Variants in MACROD2 observed in about 807,000 individuals in gnomAD.
The protein encoded by MACROD2 is ADP-ribose glycohydrolase MACROD2.
In MACROD2, 36 loss-of-function variants were observed where a neutral mutation model predicts 70.4. The observed-to-expected ratio is 0.51, with a 90% confidence interval of 0.39 to 0.68. The LOEUF (loss-of-function observed/expected upper bound fraction) is 0.68, where lower values mean the gene tolerates loss of function less well. Among genes scored for constraint, MACROD2 ranks in the 30% least tolerant of loss-of-function variants. The pLI is 0.00. For missense variants in MACROD2, 496 were observed against 538.4 expected (o/e 0.92, Z 0.78); for synonymous variants, 172 against 178.8 (o/e 0.96, Z 0.30).
At chr20:15,326,382 C>T (rs1366115494) in intron 6 of MACROD2, among the ~76,000 whole-genome samples, 1 of 151,998 alleles carries the variant, frequency 6.6e-6, no homozygotes, top group Admixed American at 6.6e-5. Flanking sequence ...TAAAGCATTA[C>T]ATTTTTTTAC....
chr20:14,096,974 A>T (rs529774909), intron 3 of MACROD2, among the ~76,000 whole-genome samples: 1 of 152,206 alleles, frequency 6.6e-6, no homozygotes, highest in South Asian at 2.1e-4. Context: ...GTTCTAGTAA[A>T]TTTCCGATGG....
At chr20:14,032,758 T>G (rs1452660629) in intron 2 of MACROD2, among the ~76,000 whole-genome samples, 1 of 152,194 alleles carries the variant, frequency 6.6e-6, no homozygotes, top group African/African-American at 2.4e-5. Context: ...ATTCTAGCTC[T>G]GCCACTTCTT....
chr20:15,786,057 C>T (rs749400742), intron 8 of MACROD2, among the ~76,000 whole-genome samples: 6 of 150,842 alleles, frequency 4.0e-5, no homozygotes, highest in Non-Finnish European at 7.4e-5. Context: ...AATGGCATAA[C>T]ATAAAAGCGT....
intron 5 of MACROD2, among the ~76,000 whole-genome samples, chr20:14,710,935 A>T (rs1373039341): frequency 1.3e-5 from 2 of 152,138 alleles, no homozygotes; most frequent in African/African-American, 4.8e-5. Flanking sequence ...GAGAGATCTC[A>T]TTCTTCCTGC....
intron 5 of MACROD2, among the ~76,000 whole-genome samples, chr20:15,227,867 T>G: frequency 7.0e-6 from 1 of 143,040 alleles, no homozygotes; most frequent in African/African-American, 2.6e-5. Flanking sequence ...AATTGACCTT[T>G]AAACCCATAT....
chr20:15,289,629 T>G (rs1221892093), intron 6 of MACROD2, among the ~76,000 whole-genome samples: 4 of 152,224 alleles, frequency 2.6e-5, no homozygotes. Flanking sequence ...AAGCCCTTCA[T>G]GTGATCAAAT....
At chr20:15,216,906 A>G (rs1412496014) in intron 5 of MACROD2, among the ~76,000 whole-genome samples, 1 of 152,184 alleles carries the variant, frequency 6.6e-6, no homozygotes, top group East Asian at 1.9e-4. Flanking sequence ...TGTATTTTAC[A>G]TCTTTCTTGA....
Position 14,973,513 on chromosome 20 carries a change from G to A in MACROD2, c.419-256427G>A, listed in dbSNP as rs529480244. ...GGTGGGATTACAGGCATGAGCCACCGCACCTGGCCAAGTATTTGCTTTTTA... is the reference window on the plus strand; with the variant it reads ...GGTGGGATTACAGGCATGAGCCACCACACCTGGCCAAGTATTTGCTTTTTA... On this transcript the variant is annotated intron_variant, in intron 5 of 17. Transcript: ENST00000684519. Among the ~76,000 whole-genome samples, 5 of 152,156 alleles carry A rather than the reference G, an allele frequency of 3.3e-5. No homozygotes were observed. In the East Asian group the frequency reaches 5.8e-4, roughly 18 times the overall value.
intron 8 of MACROD2, among the ~76,000 whole-genome samples, chr20:15,778,606 G>C (rs7267975): frequency 0.03 from 4,536 of 151,952 alleles, 233 homozygotes; most frequent in African/African-American, 0.1. Flanking sequence ...TACCTGTGTA[G>C]GCAAAAACTT....
At chr20:15,219,271 G>A (rs935777820) in intron 5 of MACROD2, among the ~76,000 whole-genome samples, 1 of 152,200 alleles carries the variant, frequency 6.6e-6, no homozygotes, top group Non-Finnish European at 1.5e-5. Flanking sequence ...AGTGTCACCA[G>A]AAAGTTTGAA....
intron 3 of MACROD2, among the ~76,000 whole-genome samples, chr20:14,462,036 G>A (rs1350613410): frequency 6.6e-6 from 1 of 151,938 alleles, no homozygotes; most frequent in African/African-American, 2.4e-5. Context: ...TAATGAGCAT[G>A]GAATGTTCTT....
At chr20:16,010,573 G>A (rs1423339325) in intron 15 of MACROD2, among the ~76,000 whole-genome samples, 1 of 152,046 alleles carries the variant, frequency 6.6e-6, no homozygotes, top group Non-Finnish European at 1.5e-5. Context: ...AAACTGCTTT[G>A]GGCTTTATCC....
At chr20:14,534,378 T>A (rs563678224) in intron 4 of MACROD2, among the ~76,000 whole-genome samples, 1 of 152,362 alleles carries the variant, frequency 6.6e-6, no homozygotes, top group African/African-American at 2.4e-5. Context: ...AAGGAGGATA[T>A]GCTGACGTTC....
intron 2 of MACROD2, among the ~76,000 whole-genome samples, chr20:14,027,337 G>A (rs986981644): frequency 1.3e-5 from 2 of 150,780 alleles, no homozygotes; most frequent in Non-Finnish European, 3.0e-5. Flanking sequence ...CTCTAAACTG[G>A]TTATTCTAGT....
At chr20:14,707,125 T>C (rs1362447375) in intron 5 of MACROD2, among the ~76,000 whole-genome samples, 1 of 152,128 alleles carries the variant, frequency 6.6e-6, no homozygotes, top group Non-Finnish European at 1.5e-5. Context: ...GTTTGAAATG[T>C]GTAACTTTGC....
intron 15 of MACROD2, among the ~76,000 whole-genome samples, chr20:16,035,318 G>T (rs987733501): frequency 3.3e-5 from 5 of 151,080 alleles, no homozygotes; most frequent in Non-Finnish European, 5.9e-5. Context: ...AAACATGCAT[G>T]TGCAAGTATC....
At chr20:14,929,731 C>T (rs574103346) in intron 5 of MACROD2, among the ~76,000 whole-genome samples, 5 of 152,084 alleles carry the variant, frequency 3.3e-5, no homozygotes, top group Admixed American at 1.3e-4. Flanking sequence ...AACGTAAACT[C>T]GGGTATGCTT....
At chr20:14,399,389 C>G (rs2083614546) in intron 3 of MACROD2, among the ~76,000 whole-genome samples, 1 of 151,982 alleles carries the variant, frequency 6.6e-6, no homozygotes, top group South Asian at 2.1e-4. Flanking sequence ...TTTTTCTATG[C>G]TTTAGATATC....
intron 5 of MACROD2, among the ~76,000 whole-genome samples, chr20:15,121,957 A>G (rs1461031475): frequency 2.0e-5 from 3 of 152,144 alleles, no homozygotes; most frequent in African/African-American, 7.2e-5. Flanking sequence ...GGGTGGGGGT[A>G]GGGAGTTACT....
Sources: allele counts gnomAD v4.1 joint callset (sites outside exome capture counted in the v4.1 genomes callset), GRCh38; gene constraint gnomAD v4.1.1; transcripts MANE v1.5; gene names NCBI Gene and HGNC (gene_info 2026-07-23, HGNC 2026-07-21).